Variants in CIT observed in about 807,000 individuals in gnomAD.
CIT encodes citron Rho-interacting kinase.
CIT carries 79 observed loss-of-function variants against 272.7 expected under a neutral mutation model. The observed-to-expected ratio is 0.29, with a 90% CI of 0.24 to 0.35. The LOEUF is 0.35. Ranked by LOEUF, CIT falls within the 10% of genes least tolerant of loss-of-function variation. CIT has a pLI of 1.00. For missense variants in CIT, 1,909 were observed against 2,618.3 expected, an observed-to-expected ratio of 0.73 and a Z score of 5.91; for synonymous variants, 948 against 995.6, an observed-to-expected ratio of 0.95 and a Z score of 0.90.
At chr12:119,815,809 C>T (rs1967129062) in intron 9 of CIT, among the ~76,000 whole-genome samples, 1 of 151,888 alleles carries the variant, frequency 6.6e-6, no homozygotes, top group East Asian at 1.9e-4. Context: ...CTGGAAAGTT[C>T]TATGAGAAAC....
chr12:119,722,942 GA>G (rs1423198655), intron 28 of CIT, among the ~76,000 whole-genome samples: 2 of 152,056 alleles, frequency 1.3e-5, no homozygotes, highest in African/African-American at 4.8e-5. Flanking sequence ...GAAATCCCAG[GA>G]CTCTGGGAGG....
Position 119,712,469 on chromosome 12 carries a change from G to T in CIT, c.4684+122C>A. 2 of 1,401,996 alleles carry T rather than the reference G, an allele frequency of 1.4e-6. No homozygotes were observed. The highest frequency in any genetic ancestry group is 2.0e-6 in the Non-Finnish European group (2 of 1,011,230). 86.8% of individuals were successfully genotyped at this position (1,401,996 alleles called of 1,614,324 possible). On this transcript the variant is annotated intron_variant, in intron 36 of 47. Coordinates refer to ENST00000392521, the MANE Select transcript of CIT (RefSeq NM_001206999.2). The surrounding 1 kb of genome is among the most constrained non-coding windows in gnomAD (Gnocchi z 5.2). ...GCAAATCCCAGTTACCGCCAAGGCG[G>T]GGAGCGGAGGAAGATGGGCCTCCTT...
Position 119,761,121 on chromosome 12 carries a change from G to A in CIT, c.2305-66C>T. 13 of 1,132,860 alleles carry A rather than the reference G, an allele frequency of 1.1e-5. No individual in the cohort carries two copies. The South Asian group carries it at 1.5e-4, about 13-fold the overall frequency. 70.2% of individuals were successfully genotyped at this position (1,132,860 alleles called of 1,614,324 possible). A position where few individuals can be genotyped will look rare whatever the true frequency, so the allele number is the denominator to read the frequency against. On this transcript the variant is annotated intron_variant, in intron 19 of 47. Coordinates refer to ENST00000392521, the MANE Select transcript of CIT (RefSeq NM_001206999.2). ...AGCTGAGGAGGGAAGACTAAACGGG[G>A]ACACTTGAGAAAATCTAGGAAAGAG...
rs1487176629 is a variant in CIT, at chr12:119,770,741, C to T, written c.2208+44G>A. The stretch of plus-strand genomic sequence containing the variant: ...TCTTACCCCCTTCCCTTTGCAAACT[C>T]TAACCTGTTATCTTTTAACTTTGCG... On this transcript the variant is annotated intron_variant, in intron 18 of 47. Transcript: ENST00000392521. This position sits in a 1 kb window ranked among gnomAD's most constrained non-coding sequence, Gnocchi z 4.4. 1.2e-6 allele frequency: 2 copies of T among 1,611,510 alleles called. No homozygotes were observed. Among genetic ancestry groups the T allele is most frequent in the Non-Finnish European group, 8.5e-7 (1 of 1,179,018 alleles).
At chr12:119,767,702 T>C (rs762547272) in intron 18 of CIT, among the ~76,000 whole-genome samples, 2 of 152,228 alleles carry the variant, frequency 1.3e-5, no homozygotes, top group African/African-American at 2.4e-5. Flanking sequence ...TTTAACTGAC[T>C]GGTAAGTGGC....
In CIT at chr12:119,690,080, T is replaced by C; in HGVS notation, c.6186+71A>G. ...CCTTTTTTAAACAACAGTGGCCCCG[T>C]GGGGGCCTCAGTTCCCCAAGTCACT... On this transcript the variant is annotated intron_variant, in intron 47 of 47. Coordinates refer to ENST00000392521, the MANE Select transcript of CIT (RefSeq NM_001206999.2). This position sits in a 1 kb window ranked among gnomAD's most constrained non-coding sequence, Gnocchi z 6.0. The C allele has an allele frequency of 1.5e-6, 2 of 1,358,646 alleles. No individual in the cohort carries two copies. Among genetic ancestry groups the C allele is most frequent in the South Asian group, 1.8e-5 (1 of 54,274 alleles). The allele number at this position is 1,358,646 out of a possible 1,614,324, so 84.2% of individuals were successfully genotyped here.
chr12:119,708,205 C>T lies in CIT; in HGVS notation c.5185G>A (p.Gly1729Ser). 1 of 1,600,416 alleles carries T rather than the reference C, an allele frequency of 6.2e-7. No individual in the cohort carries two copies. Among genetic ancestry groups the T allele is most frequent in the Non-Finnish European group, 8.5e-7 (1 of 1,173,768 alleles). ...ISPNIFEAVK[G>S]CHLFGAGKIE... ...TTGCCTGCCCCAAACAAGTGGCAGC[C>T]CTTGACAGCTTCAAAAATGTTGGGT... Residue 1729 changes from glycine to serine, a missense_variant, in exon 40 of 48, where the codon GGC becomes AGC. Around this residue, in one of 8 missense-constraint regions of CIT, gnomAD observed 780 missense variants for 1,067.2 expected, o/e 0.73. Coordinates refer to ENST00000392521, the MANE Select transcript of CIT (RefSeq NM_001206999.2).
At chr12:119,863,054 T>G (rs1950407067) in intron 3 of CIT, among the ~76,000 whole-genome samples, 1 of 148,906 alleles carries the variant, frequency 6.7e-6, no homozygotes, top group East Asian at 2.0e-4. Context: ...ATACAAAAAT[T>G]AGCCTGGCAT....
chr12:119,699,256 CAAAAAA>C (rs1181095399), intron 44 of CIT, among the ~76,000 whole-genome samples: 1 of 51,434 alleles, frequency 1.9e-5, no homozygotes, highest in Admixed American at 2.1e-4. Flanking sequence ...AAATCCGACT[CAAAAAA>C]AAAAAAAAAA....
At chr12:119,779,982 G>A (rs1163357043) in intron 13 of CIT, among the ~76,000 whole-genome samples, 2 of 152,206 alleles carry the variant, frequency 1.3e-5, no homozygotes, top group Admixed American at 1.3e-4. Context: ...GGTATCTCAG[G>A]ATGGAATGAA....
chr12:119,746,458 T>G (rs1200217954), intron 23 of CIT, among the ~76,000 whole-genome samples: 1 of 152,210 alleles, frequency 6.6e-6, no homozygotes, highest in Non-Finnish European at 1.5e-5. Context: ...GTGTGAAATC[T>G]CTCAAAAACA....
At chr12:119,863,591 A>G (rs1311807055) in intron 3 of CIT, among the ~76,000 whole-genome samples, 4 of 151,974 alleles carry the variant, frequency 2.6e-5, no homozygotes, top group Non-Finnish European at 5.9e-5. Flanking sequence ...CAGTGGCGCA[A>G]TCTTGGCTCA....
chr12:119,795,674 T>C (rs1593778203), intron 10 of CIT, among the ~76,000 whole-genome samples: 1 of 152,222 alleles, frequency 6.6e-6, no homozygotes, highest in African/African-American at 2.4e-5. Context: ...GGGTAGATAG[T>C]ACAGTGGTCT....
At chr12:119,823,268 T>C (rs1967878711) in intron 8 of CIT, among the ~76,000 whole-genome samples, 1 of 152,190 alleles carries the variant, frequency 6.6e-6, no homozygotes. Context: ...TGTCCAACAA[T>C]GATGAGCTAT....
At chr12:119,755,127 G>T (rs189951356) in intron 22 of CIT, among the ~76,000 whole-genome samples, 5 of 152,342 alleles carry the variant, frequency 3.3e-5, no homozygotes, top group Admixed American at 6.5e-5. Flanking sequence ...AGGGAGGACT[G>T]CTTAAAGCCA....
chr12:119,699,760 A>G (rs1434982129), intron 44 of CIT: 2 of 455,926 alleles, frequency 4.4e-6, no homozygotes, highest in East Asian at 6.9e-5. Flanking sequence ...CTGTCCAGTC[A>G]AGCCACGGAG....
At chr12:119,808,821 C>T (rs1316854227) in intron 9 of CIT, among the ~76,000 whole-genome samples, 2 of 152,006 alleles carry the variant, frequency 1.3e-5, no homozygotes, top group African/African-American at 4.8e-5. Flanking sequence ...AGGAAGAGTA[C>T]CAAAAAAATA....
chr12:119,836,284 T>TAAAAAAAAAA (rs201559880), intron 5 of CIT, among the ~76,000 whole-genome samples: 7 of 42,260 alleles, frequency 1.7e-4, no homozygotes, highest in African/African-American at 7.1e-4. Flanking sequence ...AGACTCCATC[T>TAAAAAAAAAA]AAAAAAAAAA....
intron 37 of CIT, among the ~76,000 whole-genome samples, chr12:119,711,320 T>C (rs1336877849): frequency 6.6e-6 from 1 of 152,198 alleles, no homozygotes; most frequent in African/African-American, 2.4e-5. Context: ...ACTGTTTGTA[T>C]CCTGGAACAT....
Sources: allele counts gnomAD v4.1 joint callset (sites outside exome capture counted in the v4.1 genomes callset), GRCh38; gene constraint gnomAD v4.1.1; regional missense constraint gnomAD v4.1.1; non-coding constraint Gnocchi (gnomAD v3.1); transcripts MANE v1.5; gene names NCBI Gene and HGNC (gene_info 2026-07-23, HGNC 2026-07-21).